The following BCCIP variants were observed in gnomAD, a reference collection of about 807,000 sequenced individuals.
The protein encoded by BCCIP is BRCA2 and CDKN1A-interacting protein.
BCCIP carries 23 observed loss-of-function variants against 32.8 expected under a neutral mutation model. That is an observed-to-expected ratio of 0.70 (90% CI 0.51 to 0.99). The LOEUF is 0.99. BCCIP is among the 50% of genes least tolerant of loss of function. BCCIP has a pLI of 0.00. For missense variants in BCCIP, 378 were observed against 379.8 expected (o/e 1.00, Z 0.04); for synonymous variants, 144 against 137.6 (o/e 1.05, Z -0.33).
chr10:125,841,896 A>AG, exon 7 of BCCIP: 1 of 1,606,584 alleles, frequency 6.2e-7, no homozygotes, highest in Non-Finnish European at 8.5e-7. Flanking sequence ...GCTGCCAGAT[A>AG]ATCTAAGTCT....
exon 7 of BCCIP, chr10:125,841,655 C>T (rs1402852301): frequency 7.2e-6 from 11 of 1,527,702 alleles, no homozygotes; most frequent in South Asian, 1.3e-5. Flanking sequence ...CTCTGTGCTC[C>T]TCAAAATATA....
At chr10:125,851,057 G>T (rs1944083455) in intron 7 of BCCIP, among the ~76,000 whole-genome samples, 2 of 152,274 alleles carry the variant, frequency 1.3e-5, no homozygotes, top group Admixed American at 1.3e-4. Context: ...TTAAAAAGAG[G>T]TCCAGATCAG....
At chr10:125,844,175 A>G (rs908507001), downstream of BCCIP, among the ~76,000 whole-genome samples, 2 of 152,240 alleles carry the variant, frequency 1.3e-5, no homozygotes, top group African/African-American at 4.8e-5. Flanking sequence ...GAGGCATGAC[A>G]TGAAAAGTAA....
At chr10:125,826,986 CCT>C (rs1265105781) in intron 2 of BCCIP, among the ~76,000 whole-genome samples, 1 of 18,864 alleles carries the variant, frequency 5.3e-5, no homozygotes, top group Non-Finnish European at 1.4e-4. Flanking sequence ...ACAGAGTGAG[CCT>C]CTGTCTCTAA....
chr10:125,850,092 A>G (rs1008567331), intron 7 of BCCIP, among the ~76,000 whole-genome samples: 7 of 151,526 alleles, frequency 4.6e-5, no homozygotes, highest in African/African-American at 1.5e-4. Context: ...CAGCTTCCCA[A>G]ACAGCTAGTA....
chr10:125,839,119 C>T (rs374157987), downstream of BCCIP: 24 of 1,614,068 alleles, frequency 1.5e-5, no homozygotes, highest in East Asian at 1.3e-4. Flanking sequence ...GAGTTCAGCT[C>T]GAATAACATC....
At chr10:125,827,157 T>C (rs1424636042) in intron 2 of BCCIP, among the ~76,000 whole-genome samples, 3 of 152,056 alleles carry the variant, frequency 2.0e-5, no homozygotes, top group South Asian at 2.1e-4. Context: ...ACAATTCTTA[T>C]GTAACAGTCA....
intron 2 of BCCIP, 130 bp from the exon 3 acceptor site, chr10:125,827,428 C>G: frequency 1.7e-6 from 1 of 581,314 alleles, no homozygotes; most frequent in East Asian, 3.0e-5. Flanking sequence ...TTCTTTCCCT[C>G]TTGGGGTTGC....
intron 1 of BCCIP, among the ~76,000 whole-genome samples, chr10:125,824,789 G>A (rs141645801): frequency 8.5e-5 from 13 of 152,358 alleles, no homozygotes; most frequent in Non-Finnish European, 1.2e-4. Context: ...TTGCTGCATT[G>A]GCTTTCTAGT....
At chr10:125,824,603 C>G (rs1265370220) in intron 1 of BCCIP, among the ~76,000 whole-genome samples, 2 of 152,330 alleles carry the variant, frequency 1.3e-5, no homozygotes, top group East Asian at 3.9e-4. Context: ...CATTTCTCAG[C>G]ACTAATTCTG....
exon 7 of BCCIP, chr10:125,841,561 A>G: frequency 1.4e-6 from 2 of 1,429,976 alleles, no homozygotes; most frequent in African/African-American, 2.9e-5. Context: ...ATAATTTTTC[A>G]TATTAAGAAA....
chr10:125,829,140 A>G (rs1183278832), intron 3 of BCCIP, among the ~76,000 whole-genome samples: 1 of 152,226 alleles, frequency 6.6e-6, no homozygotes. Flanking sequence ...AGCATGTCCA[A>G]GGAGAGATCC....
chr10:125,839,001 C>A, downstream of BCCIP: 1 of 1,613,380 alleles, frequency 6.2e-7, no homozygotes, highest in Non-Finnish European at 8.5e-7. Context: ...CCCTTCTCAC[C>A]TGCATAAAGT....
At chr10:125,843,317 A>T (rs974436199), downstream of BCCIP, among the ~76,000 whole-genome samples, 1 of 152,150 alleles carries the variant, frequency 6.6e-6, no homozygotes, top group Non-Finnish European at 1.5e-5. Flanking sequence ...TTTGATCATT[A>T]AGCTCTATGT....
downstream of BCCIP, chr10:125,839,236 C>A: frequency 6.3e-7 from 1 of 1,586,244 alleles, no homozygotes; most frequent in Non-Finnish European, 8.6e-7. Context: ...TTGTCAGAAG[C>A]TCTGAAGAGC....
At chr10:125,834,293 A>G (rs183918307) in intron 6 of BCCIP, among the ~76,000 whole-genome samples, 1 of 152,308 alleles carries the variant, frequency 6.6e-6, no homozygotes, top group East Asian at 1.9e-4. Context: ...GGGTTTACAG[A>G]TGTGGACTTT....
chr10:125,838,099 G>GCAT (rs1429613242), downstream of BCCIP: 1 of 1,037,078 alleles, frequency 9.6e-7, no homozygotes, highest in African/African-American at 1.6e-5. Context: ...AATTAAGATT[G>GCAT]CATCAGTATA....
At chr10:125,832,866 A>C (rs1294542671) in intron 5 of BCCIP, among the ~76,000 whole-genome samples, 1 of 150,676 alleles carries the variant, frequency 6.6e-6, no homozygotes, top group African/African-American at 2.4e-5. Flanking sequence ...TGTAATTCCA[A>C]CACTTTGGGA....
chr10:125,846,512 T>C (rs1214075544), downstream of BCCIP, among the ~76,000 whole-genome samples: 2 of 152,252 alleles, frequency 1.3e-5, no homozygotes, highest in Non-Finnish European at 2.9e-5. Flanking sequence ...CTATTGGCAC[T>C]GGCAAGGCTC....
Sources: gnomAD v4.1 joint callset for allele counts (sites outside exome capture counted in the v4.1 genomes callset) on GRCh38, gnomAD v4.1.1 for gene constraint, MANE v1.5 for transcripts, NCBI Gene and HGNC (gene_info 2026-07-23, HGNC 2026-07-21) for gene names.